HS6ST3: variants seen among roughly 807,000 people sequenced by gnomAD.
The protein encoded by HS6ST3 is heparan sulfate 6-O-sulfotransferase 3, also known as heparan-sulfate 6-O-sulfotransferase 3.
HS6ST3 carries 12 observed loss-of-function variants against 36.7 expected under a neutral mutation model. The observed-to-expected ratio is 0.33, with a 90% CI of 0.21 to 0.53. The LOEUF (loss-of-function observed/expected upper bound fraction) is 0.53, where lower values mean the gene tolerates loss of function less well. Among genes scored for constraint, HS6ST3 ranks in the 20% least tolerant of loss-of-function variants. The pLI, the probability that HS6ST3 is intolerant of heterozygous loss-of-function variation, is 0.95. For synonymous variants in HS6ST3, 240 were observed against 257.5 expected (o/e 0.93, Z 0.65); for missense variants, 584 against 640.9 (o/e 0.91, Z 0.96).
intron 1 of HS6ST3, among the ~76,000 whole-genome samples, chr13:96,320,458 T>C (rs1322846803): frequency 6.6e-6 from 1 of 152,218 alleles, no homozygotes; most frequent in Non-Finnish European, 1.5e-5. Context: ...TTTTTACAAT[T>C]GTACATAAGC....
intron 1 of HS6ST3, among the ~76,000 whole-genome samples, chr13:96,626,767 T>C (rs1448637196): frequency 1.3e-5 from 2 of 152,172 alleles, no homozygotes; most frequent in African/African-American, 2.4e-5. Flanking sequence ...TTTAAAAAAG[T>C]GTTGCATATC....
At chr13:96,767,343 C>A (rs1317451483) in intron 1 of HS6ST3, among the ~76,000 whole-genome samples, 3 of 152,186 alleles carry the variant, frequency 2.0e-5, no homozygotes. Context: ...CACATGCACC[C>A]CACCCTTCAG....
intron 1 of HS6ST3, among the ~76,000 whole-genome samples, chr13:96,400,414 C>T (rs1183806339): frequency 1.3e-5 from 2 of 151,898 alleles, no homozygotes; most frequent in Non-Finnish European, 2.9e-5. Context: ...AATTTTTGTA[C>T]CCCATAATAT....
chr13:96,639,324 T>C (rs889182844), intron 1 of HS6ST3, among the ~76,000 whole-genome samples: 16 of 151,996 alleles, frequency 1.1e-4, no homozygotes, highest in Non-Finnish European at 1.3e-4. Flanking sequence ...ATAGTCCATT[T>C]TGTCTGCTGT....
chr13:96,533,171 G>A (rs2056142263), intron 1 of HS6ST3, among the ~76,000 whole-genome samples: 1 of 152,102 alleles, frequency 6.6e-6, no homozygotes, highest in Non-Finnish European at 1.5e-5. Flanking sequence ...ATTTGAAATG[G>A]GAGCCAAGCG....
At chr13:96,377,111 TCTGAGCACTTTGG>T (rs2139444034) in intron 1 of HS6ST3, among the ~76,000 whole-genome samples, 1 of 150,282 alleles carries the variant, frequency 6.7e-6, no homozygotes, top group African/African-American at 2.4e-5. Context: ...ATGACTGTAA[TCTGAGCACTTTGG>T]GAGGCTGAGG....
intron 1 of HS6ST3, among the ~76,000 whole-genome samples, chr13:96,337,658 T>C (rs1414649655): frequency 3.9e-5 from 6 of 152,186 alleles, no homozygotes. Context: ...TTCATCTCTA[T>C]AGCTGAGAAT....
Position 96,458,839 on chromosome 13 carries a change from C to T in HS6ST3, c.707+367270C>T, listed in dbSNP as rs551971112. The stretch of plus-strand genomic sequence containing the variant: ...TGATATGGTTGGGTGTGGTGGCTCA[C>T]GCCTATAATCCCAGCACTTTGGGAG... On this transcript the variant is annotated intron_variant, in intron 1 of 1. Coordinates refer to ENST00000376705, the MANE Select transcript of HS6ST3 (RefSeq NM_153456.4). Among the ~76,000 whole-genome samples, 10 of 152,080 alleles carry T rather than the reference C, an allele frequency of 6.6e-5. No homozygotes were observed. The East Asian group carries it at 1.2e-3, about 18-fold the overall frequency.
At chr13:96,797,721 C>T (rs1188767453) in intron 1 of HS6ST3, among the ~76,000 whole-genome samples, 4 of 152,012 alleles carry the variant, frequency 2.6e-5, no homozygotes, top group Non-Finnish European at 5.9e-5. Context: ...ACTTTTCCTC[C>T]ACTTTCACCC....
rs180966718 is a variant in HS6ST3 at position 96,723,901 on chromosome 13, T to A, written c.708-108589T>A. On this transcript the variant is annotated intron_variant, in intron 1 of 1. Transcript: ENST00000376705. The stretch of plus-strand genomic sequence containing the variant: ...TTATGATTATAGAACTCTTTTGATG[T>A]TTCATTGTGAAATACTTTACCAAGC... Among the ~76,000 whole-genome samples the A allele has an allele frequency of 1.4e-3, 220 of 152,334 alleles. 1 individual carries two copies. Among genetic ancestry groups the A allele is most frequent in the African/African-American group, 4.9e-3 (204 of 41,586 alleles).
intron 1 of HS6ST3, among the ~76,000 whole-genome samples, chr13:96,416,422 T>C (rs1022982612): frequency 1.3e-5 from 2 of 152,212 alleles, no homozygotes; most frequent in African/African-American, 4.8e-5. Context: ...AATTTTGCAA[T>C]CACTAAGCAT....
At chr13:96,427,803 T>C (rs551132779) in intron 1 of HS6ST3, among the ~76,000 whole-genome samples, 3 of 152,270 alleles carry the variant, frequency 2.0e-5, no homozygotes, top group Admixed American at 6.5e-5. Flanking sequence ...TATGTTTCCT[T>C]TGACTCCTAC....
At position 96,221,865 on chromosome 13, in the gene HS6ST3, C is replaced by T. The variant is rs192580047; in HGVS notation, c.707+130296C>T. Among the ~76,000 whole-genome samples the T allele has an allele frequency of 1.3e-3, 201 of 152,260 alleles. 1 individual carries two copies. Among genetic ancestry groups the T allele is most frequent in the Non-Finnish European group, 6.3e-4 (43 of 68,020 alleles). On this transcript the variant is annotated intron_variant, in intron 1 of 1. Transcript: ENST00000376705. ...CATAGCCTTACATTAGGTCATTTGT[C>T]ACTTTAGCATGGATGACTGAAAAAT...
intron 1 of HS6ST3, among the ~76,000 whole-genome samples, chr13:96,644,200 G>T (rs2139008502): frequency 6.6e-6 from 1 of 151,924 alleles, no homozygotes; most frequent in Non-Finnish European, 1.5e-5. Context: ...CACAAAAGAA[G>T]AAAAATACTT....
chr13:96,626,174 C>T (rs962279285), intron 1 of HS6ST3, among the ~76,000 whole-genome samples: 5 of 152,080 alleles, frequency 3.3e-5, no homozygotes, highest in African/African-American at 1.2e-4. Context: ...TAGCATAGTC[C>T]AGTTTGTCAG....
At chr13:96,515,598 G>A (rs1019728831) in intron 1 of HS6ST3, among the ~76,000 whole-genome samples, 3 of 152,066 alleles carry the variant, frequency 2.0e-5, no homozygotes, top group African/African-American at 4.8e-5. Context: ...CCCAAATCTC[G>A]TGTTGAATTG....
chr13:96,226,306 A>G (rs1231065741), intron 1 of HS6ST3, among the ~76,000 whole-genome samples: 3 of 152,138 alleles, frequency 2.0e-5, no homozygotes, highest in Non-Finnish European at 4.4e-5. Flanking sequence ...AGATCACCTG[A>G]GGTTGGGAGT....
chr13:96,091,537 G>T lies in HS6ST3; in HGVS notation c.675G>T (p.Lys225Asn). 1 of 1,588,224 alleles carries T rather than the reference G, an allele frequency of 6.3e-7. No homozygotes were observed. The highest frequency in any genetic ancestry group is 8.5e-7 in the Non-Finnish European group (1 of 1,172,066). Residue 225 changes from lysine to asparagine, a missense_variant, in exon 1 of 2, where the codon AAG becomes AAT. Lys to Asn is a moderately conservative substitution (Grantham distance 94). This residue lies in a region of HS6ST3 where 360 missense variants were observed against 411.3 expected (regional missense o/e 0.88). Coordinates refer to ENST00000376705, the MANE Select transcript of HS6ST3 (RefSeq NM_153456.4). ...ACTGCGTGCCGGCCATCATGGAGAA[G>T]AAGGACTGTCCCCGCAACCACAGCC... is the stretch of plus-strand genomic sequence containing the variant. Reference protein sequence around the residue: ...LTNCVPAIMEKKDCPRNHSHT... With the variant: ...LTNCVPAIMENKDCPRNHSHT...
chr13:96,430,406 C>T (rs1195214084), intron 1 of HS6ST3, among the ~76,000 whole-genome samples: 1 of 152,190 alleles, frequency 6.6e-6, no homozygotes, highest in Non-Finnish European at 1.5e-5. Flanking sequence ...TTATCTAATA[C>T]CTTTCCAGGA....
Sources: gnomAD v4.1 joint callset for allele counts (sites outside exome capture counted in the v4.1 genomes callset) on GRCh38, gnomAD v4.1.1 for gene constraint, gnomAD v4.1.1 regional missense constraint, MANE v1.5 for transcripts, NCBI Gene and HGNC (gene_info 2026-07-23, HGNC 2026-07-21) for gene names.